Variants in PPARGC1A observed in about 807,000 individuals in gnomAD.
PPARGC1A encodes the protein peroxisome proliferator-activated receptor gamma coactivator 1-alpha.
PPARGC1A carries 25 observed loss-of-function variants against 88.7 expected under a neutral mutation model. The observed-to-expected ratio is 0.28, with a 90% CI of 0.21 to 0.39. The LOEUF (loss-of-function observed/expected upper bound fraction) is 0.39, where lower values mean the gene tolerates loss of function less well. Ranked by LOEUF, PPARGC1A falls within the 10% of genes least tolerant of loss-of-function variation. The probability of loss-of-function intolerance (pLI) is 1.00; values close to 1 mark genes in which losing one functional copy is unlikely to be tolerated. For synonymous variants in PPARGC1A, 363 were observed against 355.6 expected (o/e 1.02, Z -0.24); for missense variants, 880 against 968.7 (o/e 0.91, Z 1.22).
chr4:24,132,309 T>G, the PPARGC1A span, among the ~76,000 whole-genome samples: 1 of 147,562 alleles, frequency 6.8e-6, no homozygotes, highest in Non-Finnish European at 1.5e-5. Context: ...AAAAAAAAAG[T>G]CCATTATCAA....
chr4:23,985,883 T>C, the PPARGC1A span, among the ~76,000 whole-genome samples: 14 of 152,042 alleles, frequency 9.2e-5, no homozygotes, highest in Admixed American at 9.2e-4. Flanking sequence ...TACACAATGG[T>C]AAATTAACTT....
intron 2 of PPARGC1A, among the ~76,000 whole-genome samples, chr4:23,854,091 G>T (rs959389464): frequency 7.2e-5 from 11 of 152,166 alleles, no homozygotes; most frequent in African/African-American, 2.7e-4. Context: ...ATTTTTATTA[G>T]CCTCAAAGAG....
the PPARGC1A span, among the ~76,000 whole-genome samples, chr4:24,195,390 C>A: frequency 6.6e-6 from 1 of 152,204 alleles, no homozygotes; most frequent in African/African-American, 2.4e-5. Flanking sequence ...ATTATTATGT[C>A]TGCCAGAAGT....
At chr4:24,226,095 C>T in the PPARGC1A span, among the ~76,000 whole-genome samples, 1 of 152,160 alleles carries the variant, frequency 6.6e-6, no homozygotes. Context: ...ACCATTTCCC[C>T]TTTTGCCATT....
the PPARGC1A span, among the ~76,000 whole-genome samples, chr4:24,203,102 T>C: frequency 6.6e-6 from 1 of 152,190 alleles, no homozygotes; most frequent in African/African-American, 2.4e-5. Context: ...ATTATCAATT[T>C]AACAGGTCAC....
chr4:24,138,965 G>C, the PPARGC1A span, among the ~76,000 whole-genome samples: 1 of 152,116 alleles, frequency 6.6e-6, no homozygotes, highest in Non-Finnish European at 1.5e-5. Context: ...TTTTGGGCGA[G>C]ATAGTGTGAT....
At position 23,847,434 on chromosome 4, in the gene PPARGC1A, G is replaced by T. The variant is rs895781883; in HGVS notation, c.235-15683C>A. Among the ~76,000 whole-genome samples, 3 of 152,274 alleles carry T rather than the reference G, an allele frequency of 2.0e-5. No homozygotes were observed. The East Asian group carries it at 5.8e-4, about 29-fold the overall frequency. On this transcript the variant is annotated intron_variant, in intron 2 of 12. Transcript: ENST00000264867. ...CCTGTTTCAGTACTTGTGAGTCCAT[G>T]AAATGTCTTAAGTCATGAAATCTCT...
the PPARGC1A span, among the ~76,000 whole-genome samples, chr4:24,218,945 G>A: frequency 6.6e-6 from 1 of 152,188 alleles, no homozygotes; most frequent in East Asian, 1.9e-4. Flanking sequence ...TGCTTTGCCT[G>A]AGATGCACAT....
chr4:23,813,941 G>T lies in PPARGC1A; in HGVS notation c.1542C>A (p.Ser514Arg). 6.2e-7 allele frequency: 1 copy of T among 1,613,880 alleles called. No individual in the cohort carries two copies. The highest frequency in any genetic ancestry group is 8.5e-7 in the Non-Finnish European group (1 of 1,179,852). ...AGCTCAGTTTATCACTTTCATCTTCGCTGTCATCAAACAGGCCATCCATGG... is the reference window on the plus strand; with the variant it reads ...AGCTCAGTTTATCACTTTCATCTTCTCTGTCATCAAACAGGCCATCCATGG... ...GLAMDGLFDD[S>R]EDESDKLSYP... Residue 514 changes from serine to arginine, a missense_variant, in exon 8 of 13, where the codon AGC becomes AGA. Coordinates refer to ENST00000264867, the MANE Select transcript of PPARGC1A (RefSeq NM_013261.5).
At chr4:24,457,762 A>C in the PPARGC1A span, among the ~76,000 whole-genome samples, 1 of 152,032 alleles carries the variant, frequency 6.6e-6, no homozygotes, top group Admixed American at 6.5e-5. Context: ...ATGGGGTTTA[A>C]CCATGTTAGC....
chr4:23,917,374 T>G, the PPARGC1A span, among the ~76,000 whole-genome samples: 133 of 117,930 alleles, frequency 1.1e-3, 3 homozygotes, highest in East Asian at 0.023. Context: ...TTTTCTTTCT[T>G]TCTTTTTTTT....
chr4:24,202,852 A>T, the PPARGC1A span, among the ~76,000 whole-genome samples: 1 of 152,122 alleles, frequency 6.6e-6, no homozygotes, highest in South Asian at 2.1e-4. Context: ...GAAAAGAGTC[A>T]TTGACAGCAG....
At chr4:23,993,858 T>G in the PPARGC1A span, among the ~76,000 whole-genome samples, 1 of 152,136 alleles carries the variant, frequency 6.6e-6, no homozygotes, top group East Asian at 1.9e-4. Flanking sequence ...AATAGTTTCT[T>G]GAGTGACTAG....
chr4:24,213,235 C>T, the PPARGC1A span, among the ~76,000 whole-genome samples: 5 of 148,380 alleles, frequency 3.4e-5, no homozygotes, highest in South Asian at 8.6e-4. Flanking sequence ...GGCGCGATCT[C>T]GGCTCACTGC....
At chr4:23,946,944 T>G in the PPARGC1A span, among the ~76,000 whole-genome samples, 1 of 152,084 alleles carries the variant, frequency 6.6e-6, no homozygotes, top group Non-Finnish European at 1.5e-5. Context: ...ACAATCAAAC[T>G]GAACCCACAG....
chr4:23,970,585 C>T, the PPARGC1A span, among the ~76,000 whole-genome samples: 6 of 152,322 alleles, frequency 3.9e-5, no homozygotes, highest in East Asian at 9.7e-4. Flanking sequence ...AGGTTTAGCA[C>T]AATTAACAAG....
chr4:23,949,766 C>A, the PPARGC1A span, among the ~76,000 whole-genome samples: 4 of 152,086 alleles, frequency 2.6e-5, no homozygotes, highest in Non-Finnish European at 5.9e-5. Flanking sequence ...CCCCTTCCCC[C>A]ACAATCTATG....
the PPARGC1A span, among the ~76,000 whole-genome samples, chr4:24,301,611 CAAAA>C: frequency 3.8e-5 from 3 of 79,400 alleles, no homozygotes; most frequent in Admixed American, 1.4e-4. Context: ...CACCTATTGC[CAAAA>C]AAAAAAAAAA....
At chr4:24,325,696 C>T in the PPARGC1A span, among the ~76,000 whole-genome samples, 1 of 152,190 alleles carries the variant, frequency 6.6e-6, no homozygotes, top group Non-Finnish European at 1.5e-5. Context: ...CCGATCGCCT[C>T]GGAAGCCCCG....
Sources: allele counts gnomAD v4.1 joint callset (sites outside exome capture counted in the v4.1 genomes callset), GRCh38; gene constraint gnomAD v4.1.1; transcripts MANE v1.5; gene names NCBI Gene and HGNC (gene_info 2026-07-23, HGNC 2026-07-21).